TANC1: variants seen among roughly 807,000 people sequenced by gnomAD.
The protein encoded by TANC1 is tetratricopeptide repeat, ankyrin repeat and coiled-coil containing 1, also known as protein TANC1.
TANC1 carries 77 observed loss-of-function variants against 149.7 expected under a neutral mutation model. The observed-to-expected ratio is 0.51, with a 90% CI of 0.43 to 0.62. The LOEUF is 0.62. TANC1 is among the 20% of genes least tolerant of loss of function. TANC1 has a pLI of 0.00. For synonymous variants in TANC1, 854 were observed against 925.0 expected, an observed-to-expected ratio of 0.92 and a Z score of 1.39; for missense variants, 1,985 against 2,321.8, an observed-to-expected ratio of 0.85 and a Z score of 2.98.
At chr2:159,203,418 G>T (rs2058387825) in intron 19 of TANC1, among the ~76,000 whole-genome samples, 1 of 151,928 alleles carries the variant, frequency 6.6e-6, no homozygotes, top group Non-Finnish European at 1.5e-5. Flanking sequence ...TATTGGCCAG[G>T]ATGGTCTCCA....
intron 1 of TANC1, among the ~76,000 whole-genome samples, chr2:158,997,532 AC>A (rs2036242939): frequency 6.6e-6 from 1 of 152,206 alleles, no homozygotes; most frequent in Non-Finnish European, 1.5e-5. Context: ...AATCACAGTA[AC>A]CAGGACTCCT....
At chr2:159,133,468 C>T (rs1264676865) in intron 4 of TANC1, among the ~76,000 whole-genome samples, 1 of 152,020 alleles carries the variant, frequency 6.6e-6, no homozygotes, top group African/African-American at 2.4e-5. Context: ...GACCCTCCTA[C>T]CTCAGCCTCC....
At chr2:158,983,934 T>C (rs2034717644) in intron 1 of TANC1, among the ~76,000 whole-genome samples, 1 of 152,230 alleles carries the variant, frequency 6.6e-6, no homozygotes, top group Non-Finnish European at 1.5e-5. Context: ...TCTATGGTCC[T>C]TGCATTCTTG....
chr2:159,222,615 C>T (rs767081590), intron 22 of TANC1, among the ~76,000 whole-genome samples: 17 of 152,190 alleles, frequency 1.1e-4, no homozygotes, highest in Non-Finnish European at 2.5e-4. Flanking sequence ...GTATACACCA[C>T]ATCTCGTTTA....
At chr2:158,976,216 G>T (rs895635719) in intron 1 of TANC1, among the ~76,000 whole-genome samples, 11 of 152,176 alleles carry the variant, frequency 7.2e-5, no homozygotes, top group African/African-American at 2.4e-4. Flanking sequence ...ATTCAAGAAT[G>T]TTAGAAAAAA....
At chr2:159,100,888 C>A (rs78333803) in intron 4 of TANC1, among the ~76,000 whole-genome samples, 1 of 149,818 alleles carries the variant, frequency 6.7e-6, no homozygotes, top group Non-Finnish European at 1.5e-5. Flanking sequence ...AAAAAAAAAA[C>A]TGACATATGG....
intron 1 of TANC1, among the ~76,000 whole-genome samples, chr2:158,993,368 C>T (rs1240204621): frequency 2.6e-5 from 4 of 152,176 alleles, no homozygotes; most frequent in African/African-American, 9.7e-5. Context: ...CCTTCCACCT[C>T]AGCCTCCTGA....
In TANC1 at chr2:159,149,126, T is replaced by A; in HGVS notation, c.365-16T>A. On this transcript the variant is annotated splice_polypyrimidine_tract_variant and intron_variant, in intron 5 of 26. Transcript: ENST00000263635. ...CCCCAGAGGGGCATCTTCATTGTTTTCTTTCTTTGTTCCAGAAGCAAAGGC... is the reference window on the plus strand; with the variant it reads ...CCCCAGAGGGGCATCTTCATTGTTTACTTTCTTTGTTCCAGAAGCAAAGGC... 1.3e-6 allele frequency: 2 copies of A among 1,564,860 alleles called. No individual in the cohort carries two copies. The highest frequency in any genetic ancestry group is 1.7e-6 in the Non-Finnish European group (2 of 1,155,424).
At chr2:159,040,272 G>C (rs2040527052) in intron 2 of TANC1, among the ~76,000 whole-genome samples, 1 of 152,032 alleles carries the variant, frequency 6.6e-6, no homozygotes, top group African/African-American at 2.4e-5. Flanking sequence ...TCTTTGTGGT[G>C]TTCTCTGTAT....
At chr2:159,150,300 C>A in intron 6 of TANC1, 70 bp from the exon 7 acceptor site, 3 of 1,335,810 alleles carry the variant, frequency 2.2e-6, no homozygotes, top group Non-Finnish European at 3.1e-6. Context: ...TGTTTTAGCA[C>A]AAAAACAAAA....
intron 19 of TANC1, among the ~76,000 whole-genome samples, chr2:159,217,106 G>C (rs1326857072): frequency 6.6e-6 from 1 of 152,202 alleles, no homozygotes; most frequent in African/African-American, 2.4e-5. Context: ...TCCCCTTCCA[G>C]ATGGGACATG....
chr2:159,034,498 T>C (rs573414132), intron 2 of TANC1, among the ~76,000 whole-genome samples: 1 of 152,324 alleles, frequency 6.6e-6, no homozygotes, highest in East Asian at 1.9e-4. Context: ...CCCGTTTCAC[T>C]TTTTCTAGGC....
At chr2:159,159,717 T>TGAGAGAGAGAGAGAGAGA (rs56101796) in intron 7 of TANC1, among the ~76,000 whole-genome samples, 8 of 114,974 alleles carry the variant, frequency 7.0e-5, no homozygotes. Flanking sequence ...TGTGTGTGTG[T>TGAGAGAGAGAGAGAGAGA]GAGAGAGAGA....
intron 3 of TANC1, among the ~76,000 whole-genome samples, chr2:159,097,430 A>G (rs1336717563): frequency 1.3e-5 from 2 of 152,208 alleles, no homozygotes; most frequent in African/African-American, 4.8e-5. Context: ...GCAGAAAGGC[A>G]CATGGAGCAG....
chr2:159,052,800 G>A (rs952571970), intron 2 of TANC1, among the ~76,000 whole-genome samples: 13 of 152,196 alleles, frequency 8.5e-5, no homozygotes, highest in African/African-American at 3.1e-4. Context: ...GTATCATATT[G>A]TGGAAATAGT....
chr2:158,973,226 A>G (rs1459273939), intron 1 of TANC1, among the ~76,000 whole-genome samples: 1 of 152,180 alleles, frequency 6.6e-6, no homozygotes, highest in Non-Finnish European at 1.5e-5. Flanking sequence ...AGGTAGACAG[A>G]TGCGAACCCA....
intron 1 of TANC1, among the ~76,000 whole-genome samples, chr2:158,972,878 A>T (rs1046322403): frequency 1.3e-5 from 2 of 152,170 alleles, no homozygotes; most frequent in Non-Finnish European, 2.9e-5. Context: ...GAGAAGAATG[A>T]TTCTTGGTTT....
At position 159,227,895 on chromosome 2, in the gene TANC1, A is replaced by C; in HGVS notation, c.3980A>C (p.Asp1327Ala). 2 of 1,614,152 alleles carry C rather than the reference A, an allele frequency of 1.2e-6. No homozygotes were observed. Among genetic ancestry groups the C allele is most frequent in the Non-Finnish European group, 1.7e-6 (2 of 1,180,000 alleles). ...TTTCCTCGAGAAGGATTCGGAGAGG[A>C]CATGAGACCCTTCAATGAATTAAGG... ...RKFPREGFGE[D>A]MRPFNELRVS... Residue 1327 changes from aspartate to alanine, a missense_variant, in exon 25 of 27, where the codon GAC becomes GCC. Around this residue, in one of 3 missense-constraint regions of TANC1, gnomAD observed 920 missense variants for 994.7 expected, o/e 0.92. Coordinates refer to ENST00000263635, the MANE Select transcript of TANC1 (RefSeq NM_033394.3).
At chr2:159,106,380 T>C (rs982848583) in intron 4 of TANC1, among the ~76,000 whole-genome samples, 1 of 152,254 alleles carries the variant, frequency 6.6e-6, no homozygotes, top group African/African-American at 2.4e-5. Flanking sequence ...CTTGATTTGC[T>C]TATTCTGGTC....
Sources: gnomAD v4.1 joint callset for allele counts (sites outside exome capture counted in the v4.1 genomes callset) on GRCh38, gnomAD v4.1.1 for gene constraint, gnomAD v4.1.1 regional missense constraint, MANE v1.5 for transcripts, NCBI Gene and HGNC (gene_info 2026-07-23, HGNC 2026-07-21) for gene names.